TMEFF2: variants seen among roughly 807,000 people sequenced by gnomAD.
The protein encoded by TMEFF2 is transmembrane protein with EGF like and two follistatin like domains 2, also known as tomoregulin-2.
Under a neutral mutation model 53.8 loss-of-function variants are expected in TMEFF2, and 28 were observed. That is an observed-to-expected ratio of 0.52 (90% CI 0.39 to 0.71). The LOEUF (loss-of-function observed/expected upper bound fraction) is 0.71, where lower values mean the gene tolerates loss of function less well. Among genes scored for constraint, TMEFF2 ranks in the 30% least tolerant of loss-of-function variants. The pLI, the probability that TMEFF2 is intolerant of heterozygous loss-of-function variation, is 0.00. For missense variants in TMEFF2, 353 were observed against 455.2 expected (o/e 0.78, Z 2.04); for synonymous variants, 162 against 166.3 (o/e 0.97, Z 0.20).
At chr2:192,163,195 A>G (rs1210084898) in intron 4 of TMEFF2, among the ~76,000 whole-genome samples, 1 of 152,198 alleles carries the variant, frequency 6.6e-6, no homozygotes, top group East Asian at 1.9e-4. Context: ...TCTCCAGAGT[A>G]GAAAATCCAA....
chr2:192,090,777 A>G (rs1212727019), intron 4 of TMEFF2, among the ~76,000 whole-genome samples: 2 of 152,176 alleles, frequency 1.3e-5, no homozygotes, highest in Non-Finnish European at 2.9e-5. Flanking sequence ...TGCCACAGGT[A>G]GTTGAACAGC....
chr2:192,025,957 T>C (rs988089928), intron 5 of TMEFF2, among the ~76,000 whole-genome samples: 7 of 152,208 alleles, frequency 4.6e-5, no homozygotes, highest in African/African-American at 1.7e-4. Context: ...TGTTGCTTGG[T>C]TATTCATACA....
At chr2:192,116,458 AAGAC>A (rs1215156826) in intron 4 of TMEFF2, among the ~76,000 whole-genome samples, 1 of 151,982 alleles carries the variant, frequency 6.6e-6, no homozygotes, top group Non-Finnish European at 1.5e-5. Flanking sequence ...GAAACTTGCT[AAGAC>A]AGAGTAAATC....
chr2:192,168,907 T>G (rs976913683), intron 4 of TMEFF2, among the ~76,000 whole-genome samples: 2 of 152,012 alleles, frequency 1.3e-5, no homozygotes, highest in Non-Finnish European at 2.9e-5. Context: ...CGGTTGCTAT[T>G]TATAGCCACT....
rs146294846 is a variant in TMEFF2, at chr2:191,954,665, C to A, written c.870-828G>T. 2.6e-5 allele frequency among the ~76,000 whole-genome samples: 4 copies of A among 151,812 alleles called. No homozygotes were observed. In the East Asian group the frequency reaches 7.8e-4, roughly 29 times the overall value. The stretch of plus-strand genomic sequence containing the variant: ...CAGGATGAGTCATTAATTTTCTGGT[C>A]AAAAAAATCATCTGCTGATGATAGA... On this transcript the variant is annotated intron_variant, in intron 8 of 9. Transcript: ENST00000272771.
chr2:192,172,059 C>T (rs1299164344), intron 4 of TMEFF2, among the ~76,000 whole-genome samples: 1 of 151,922 alleles, frequency 6.6e-6, no homozygotes, highest in Non-Finnish European at 1.5e-5. Flanking sequence ...AGAGAGCTGC[C>T]TGGCCCACGG....
intron 4 of TMEFF2, among the ~76,000 whole-genome samples, chr2:192,119,156 T>C (rs1427091796): frequency 1.3e-5 from 2 of 152,308 alleles, no homozygotes; most frequent in Middle Eastern, 6.8e-3. Flanking sequence ...CAACTACTTA[T>C]GTGACAAGAT....
chr2:192,145,734 G>C (rs1034567617), intron 4 of TMEFF2, among the ~76,000 whole-genome samples: 2 of 151,880 alleles, frequency 1.3e-5, no homozygotes, highest in African/African-American at 4.8e-5. Flanking sequence ...ACGCAGTCTT[G>C]GGAAAGTTAT....
At chr2:192,054,814 A>AC (rs976875819) in intron 5 of TMEFF2, among the ~76,000 whole-genome samples, 5 of 152,112 alleles carry the variant, frequency 3.3e-5, no homozygotes, top group African/African-American at 1.2e-4. Context: ...CCACTTTAAC[A>AC]CTTTAAAACT....
chr2:192,146,847 A>G (rs1194667909), intron 4 of TMEFF2, among the ~76,000 whole-genome samples: 1 of 152,150 alleles, frequency 6.6e-6, no homozygotes, highest in East Asian at 1.9e-4. Flanking sequence ...ACAGGCTTAC[A>G]GCGTAAGCTA....
chr2:192,154,230 G>A (rs564405342), intron 4 of TMEFF2, among the ~76,000 whole-genome samples: 7 of 152,048 alleles, frequency 4.6e-5, no homozygotes, highest in African/African-American at 1.7e-4. Context: ...AGTGGTGTAT[G>A]TTTGTGGGGA....
At chr2:192,038,453 A>G (rs996501343) in intron 5 of TMEFF2, among the ~76,000 whole-genome samples, 1 of 150,956 alleles carries the variant, frequency 6.6e-6, no homozygotes, top group African/African-American at 2.4e-5. Context: ...GTTATTTTAA[A>G]TTTTTTTTTT....
chr2:191,989,794 GC>G (rs1250671213), intron 7 of TMEFF2, among the ~76,000 whole-genome samples: 2 of 151,908 alleles, frequency 1.3e-5, no homozygotes, highest in African/African-American at 4.8e-5. Flanking sequence ...CCATTTCTCT[GC>G]CCCCCAACTT....
intron 5 of TMEFF2, among the ~76,000 whole-genome samples, chr2:192,050,498 G>A (rs1687742168): frequency 6.6e-6 from 1 of 151,904 alleles, no homozygotes. Flanking sequence ...TTCTGGAGGG[G>A]TGGTTAGTTG....
intron 5 of TMEFF2, among the ~76,000 whole-genome samples, chr2:192,018,672 T>G (rs1220364455): frequency 6.6e-6 from 1 of 152,170 alleles, no homozygotes; most frequent in Non-Finnish European, 1.5e-5. Flanking sequence ...AATCCCCTGA[T>G]GATATTCACT....
chr2:192,106,874 G>A (rs960286968), intron 4 of TMEFF2, among the ~76,000 whole-genome samples: 1 of 151,644 alleles, frequency 6.6e-6, no homozygotes, highest in Non-Finnish European at 1.5e-5. Context: ...TTCAGTGAAC[G>A]GAGAGAAGTT....
At position 192,075,820 on chromosome 2, in the gene TMEFF2, G is replaced by T. The variant is rs1002034401; in HGVS notation, c.440-18045C>A. 3.4e-4 allele frequency among the ~76,000 whole-genome samples: 51 copies of T among 152,126 alleles called. 1 individual carries two copies. Among genetic ancestry groups the T allele is most frequent in the Middle Eastern group, 6.8e-3 (2 of 294 alleles). On this transcript the variant is annotated intron_variant, in intron 4 of 9. Coordinates refer to ENST00000272771, the MANE Select transcript of TMEFF2 (RefSeq NM_016192.4). ...AGATTTTCAATTTCTAACTTTTCCAGATTAATTCAACTATTGCGGGAGATA... is the reference window on the plus strand; with the variant it reads ...AGATTTTCAATTTCTAACTTTTCCATATTAATTCAACTATTGCGGGAGATA...
At chr2:192,090,338 A>G (rs575720346) in intron 4 of TMEFF2, among the ~76,000 whole-genome samples, 1 of 152,278 alleles carries the variant, frequency 6.6e-6, no homozygotes, top group East Asian at 1.9e-4. Flanking sequence ...AGAATTTTTT[A>G]TGATTGTCTG....
chr2:191,962,521 C>T (rs1692303047), intron 7 of TMEFF2, among the ~76,000 whole-genome samples: 1 of 152,090 alleles, frequency 6.6e-6, no homozygotes. Flanking sequence ...AATTTGGGGA[C>T]TGGAGTAATT....
Sources: gnomAD v4.1 joint callset for allele counts (sites outside exome capture counted in the v4.1 genomes callset) on GRCh38, gnomAD v4.1.1 for gene constraint, MANE v1.5 for transcripts, NCBI Gene and HGNC (gene_info 2026-07-23, HGNC 2026-07-21) for gene names.